SNTB1: variants seen among roughly 807,000 people sequenced by gnomAD.
SNTB1 encodes the protein beta-1-syntrophin.
A neutral mutation model predicts 48.9 loss-of-function variants in SNTB1; 36 were observed. The observed-to-expected ratio is 0.74, with a 90% CI of 0.56 to 0.97. The LOEUF is 0.97. Among genes scored for constraint, SNTB1 ranks in the 50% least tolerant of loss-of-function variants. The probability of loss-of-function intolerance (pLI) is 0.00; values close to 1 mark genes in which losing one functional copy is unlikely to be tolerated. For synonymous variants in SNTB1, 299 were observed against 294.6 expected (o/e 1.01, Z -0.15); for missense variants, 786 against 703.4 (o/e 1.12, Z -1.33).
chr8:120,638,961 G>A (rs1203861539), intron 2 of SNTB1, among the ~76,000 whole-genome samples: 2 of 152,182 alleles, frequency 1.3e-5, no homozygotes, highest in East Asian at 1.9e-4. Context: ...TTGAGGAATC[G>A]CCACACTGTC....
At chr8:120,705,398 G>GA (rs1262887169) in intron 1 of SNTB1, among the ~76,000 whole-genome samples, 2 of 152,164 alleles carry the variant, frequency 1.3e-5, no homozygotes, top group African/African-American at 4.8e-5. Flanking sequence ...ATTCAACCTA[G>GA]AAAAACAATG....
intron 4 of SNTB1, among the ~76,000 whole-genome samples, chr8:120,551,015 T>C (rs1275641909): frequency 6.6e-6 from 1 of 152,160 alleles, no homozygotes; most frequent in African/African-American, 2.4e-5. Context: ...CCCAGCACTT[T>C]GGGAGGCCGA....
At position 120,575,085 on chromosome 8, in the gene SNTB1, C is replaced by T. The variant is rs1356534377; in HGVS notation, c.1136+1G>A. The T allele has an allele frequency of 1.2e-6, 2 of 1,614,148 alleles. No homozygotes were observed. Among genetic ancestry groups the T allele is most frequent in the Non-Finnish European group, 1.7e-6 (2 of 1,180,008 alleles). ...CATACCAAACACAAGGCCATGGCTA[C>T]CTGGTGGCAAGAAGAGGGTATGTGT... On this transcript the variant is annotated splice_donor_variant, in intron 4 of 6. Coordinates refer to ENST00000517992, the MANE Select transcript of SNTB1 (RefSeq NM_021021.4). LOFTEE classifies it high-confidence loss of function.
intron 1 of SNTB1, among the ~76,000 whole-genome samples, chr8:120,796,373 T>A (rs1820119045): frequency 6.6e-6 from 1 of 151,998 alleles, no homozygotes; most frequent in Admixed American, 6.6e-5. Context: ...AGACCCTATC[T>A]CGAAATAAGA....
chr8:120,760,337 GTC>G (rs1259203537), intron 1 of SNTB1, among the ~76,000 whole-genome samples: 3 of 150,552 alleles, frequency 2.0e-5, no homozygotes, highest in Non-Finnish European at 4.4e-5. Flanking sequence ...CAATTCTTAG[GTC>G]TATCAGAGAA....
chr8:120,721,313 C>G (rs1436588067), intron 1 of SNTB1, among the ~76,000 whole-genome samples: 1 of 152,178 alleles, frequency 6.6e-6, no homozygotes, highest in African/African-American at 2.4e-5. Context: ...AGTTTGGGTG[C>G]TGCTACAAGG....
intron 2 of SNTB1, among the ~76,000 whole-genome samples, chr8:120,692,411 A>C (rs977205398): frequency 6.6e-6 from 1 of 152,082 alleles, no homozygotes; most frequent in Admixed American, 6.5e-5. Flanking sequence ...TATTTTTAGC[A>C]CTTTAATGTG....
At chr8:120,585,853 A>G (rs1816131038) in intron 3 of SNTB1, among the ~76,000 whole-genome samples, 1 of 152,238 alleles carries the variant, frequency 6.6e-6, no homozygotes, top group South Asian at 2.1e-4. Context: ...ATGTTTAACA[A>G]CATATAACAT....
intron 4 of SNTB1, among the ~76,000 whole-genome samples, chr8:120,550,961 G>A (rs1815470014): frequency 6.6e-6 from 1 of 152,256 alleles, no homozygotes; most frequent in South Asian, 2.1e-4. Flanking sequence ...ATTACTTTAA[G>A]AAATTAAATA....
At chr8:120,731,335 AT>A (rs776642921) in intron 1 of SNTB1, among the ~76,000 whole-genome samples, 11 of 152,346 alleles carry the variant, frequency 7.2e-5, no homozygotes, top group Admixed American at 1.3e-4. Context: ...CAAAGAAAGT[AT>A]ACAACCACAA....
At chr8:120,649,759 C>T (rs1254833958) in intron 2 of SNTB1, among the ~76,000 whole-genome samples, 1 of 152,232 alleles carries the variant, frequency 6.6e-6, no homozygotes, top group African/African-American at 2.4e-5. Context: ...GGCGCCCCTC[C>T]CCCAGCCTAG....
chr8:120,591,518 A>G (rs996695746), intron 3 of SNTB1, among the ~76,000 whole-genome samples: 2 of 152,192 alleles, frequency 1.3e-5, no homozygotes, highest in Non-Finnish European at 2.9e-5. Context: ...CTCTGGTTTT[A>G]TACCTCAAAA....
chr8:120,642,875 C>A (rs762764574), intron 2 of SNTB1, among the ~76,000 whole-genome samples: 1 of 152,188 alleles, frequency 6.6e-6, no homozygotes, highest in Non-Finnish European at 1.5e-5. Context: ...TGCACTACTG[C>A]ACTCCAGCCT....
At chr8:120,732,078 G>A (rs936520180) in intron 1 of SNTB1, among the ~76,000 whole-genome samples, 1 of 152,156 alleles carries the variant, frequency 6.6e-6, no homozygotes, top group Non-Finnish European at 1.5e-5. Context: ...TTAAAAGTTG[G>A]AGGCACAATA....
rs139231063 is a variant in SNTB1 at position 120,572,775 on chromosome 8, C to A, written c.1136+2311G>T. Among the ~76,000 whole-genome samples, 3 of 143,070 alleles carry A rather than the reference C, an allele frequency of 2.1e-5. No individual in the cohort carries two copies. The South Asian group carries it at 6.6e-4, about 31-fold the overall frequency. 93.9% of individuals were successfully genotyped at this position (143,070 alleles called of 152,430 possible). On this transcript the variant is annotated intron_variant, in intron 4 of 6. Transcript: ENST00000517992. ...AACAAACAAACAAAAATTAGCCGGG[C>A]GTGGTGGTGGGCGCCTATAATCCCA...
At chr8:120,788,393 A>G (rs1819962913) in intron 1 of SNTB1, among the ~76,000 whole-genome samples, 1 of 152,126 alleles carries the variant, frequency 6.6e-6, no homozygotes, top group African/African-American at 2.4e-5. Flanking sequence ...TCTTCATATT[A>G]ATGTTGAATG....
chr8:120,678,268 C>CT (rs1817872021), intron 2 of SNTB1, among the ~76,000 whole-genome samples: 1 of 151,982 alleles, frequency 6.6e-6, no homozygotes, highest in Admixed American at 6.6e-5. Flanking sequence ...TCTCTGCTGC[C>CT]TTTTTATGGA....
At chr8:120,586,156 C>T (rs540481705) in intron 3 of SNTB1, among the ~76,000 whole-genome samples, 3 of 152,226 alleles carry the variant, frequency 2.0e-5, no homozygotes, top group Non-Finnish European at 4.4e-5. Flanking sequence ...GAGATAAACT[C>T]TTTTCAGGAA....
chr8:120,691,271 A>G (rs1409720685), intron 2 of SNTB1, among the ~76,000 whole-genome samples: 8 of 152,240 alleles, frequency 5.3e-5, no homozygotes, highest in Non-Finnish European at 1.0e-4. Flanking sequence ...ACAATGTCTC[A>G]GTAAGCTTTT....
Sources: gnomAD v4.1 joint callset for allele counts (sites outside exome capture counted in the v4.1 genomes callset) on GRCh38, gnomAD v4.1.1 for gene constraint, MANE v1.5 for transcripts, NCBI Gene and HGNC (gene_info 2026-07-23, HGNC 2026-07-21) for gene names.